PDE4DIP: variants seen among roughly 807,000 people sequenced by gnomAD.
PDE4DIP encodes phosphodiesterase 4D interacting protein.
PDE4DIP carries 59 observed loss-of-function variants against 221.4 expected under a neutral mutation model. That is an observed-to-expected ratio of 0.27 (90% confidence interval 0.22 to 0.33). The LOEUF (loss-of-function observed/expected upper bound fraction) is 0.33, where lower values mean the gene tolerates loss of function less well. Among genes scored for constraint, PDE4DIP ranks in the 10% least tolerant of loss-of-function variants. The pLI, the probability that PDE4DIP is intolerant of heterozygous loss-of-function variation, is 1.00. For synonymous variants in PDE4DIP, 404 were observed against 815.9 expected, an observed-to-expected ratio of 0.50 and a Z score of 8.60; for missense variants, 1,036 against 2,154.2, an observed-to-expected ratio of 0.48 and a Z score of 10.28.
At chr1:149,010,842 G>T (rs1353056939) in intron 31 of PDE4DIP, among the ~76,000 whole-genome samples, 2 of 149,788 alleles carry the variant, frequency 1.3e-5, no homozygotes, top group Non-Finnish European at 3.0e-5. Flanking sequence ...CATTTAAAAA[G>T]AAACATTTTT....
At chr1:148,932,832 T>C (rs1172430123) in intron 4 of PDE4DIP, 1 of 285,122 alleles carries the variant, frequency 3.5e-6, no homozygotes, top group African/African-American at 2.3e-5. Context: ...AGAAGTAGTA[T>C]GAGGTGGAGC....
intron 36 of PDE4DIP, chr1:149,020,750 G>C (rs1452825356): frequency 4.5e-6 from 2 of 443,140 alleles, no homozygotes; most frequent in African/African-American, 3.9e-5. Context: ...TGTAGGAACA[G>C]TAAGGAGACT....
chr1:148,884,250 CTG>C, intron 3 of PDE4DIP, among the ~76,000 whole-genome samples: 1 of 69,170 alleles, frequency 1.4e-5, no homozygotes, highest in Non-Finnish European at 2.8e-5. Flanking sequence ...CCCCTCATCT[CTG>C]TGGCCTATTT....
rs1196936548 is a variant in PDE4DIP at position 149,027,641 on chromosome 1, A to T, written c.6669+14A>T. 2.1e-6 allele frequency: 1 copy of T among 470,326 alleles called. No homozygotes were observed. The highest frequency in any genetic ancestry group is 2.3e-5 in the South Asian group (1 of 43,160). 29.1% of individuals were successfully genotyped at this position (470,326 alleles called of 1,614,324 possible). A position where few individuals can be genotyped will look rare whatever the true frequency, so the allele number is the denominator to read the frequency against. On this transcript the variant is annotated intron_variant, in intron 40 of 43. Coordinates refer to ENST00000369354, the Ensembl canonical transcript of PDE4DIP. ...CAAGGCACAGAGGTAATCACACCTG[A>T]AGCTTTAGGTGCACTCTTTCCCTGT...
chr1:148,946,612 C>T (rs1202348020), intron 5 of PDE4DIP, among the ~76,000 whole-genome samples: 2 of 137,402 alleles, frequency 1.5e-5, no homozygotes, highest in Non-Finnish European at 3.1e-5. Flanking sequence ...AGGTTTTCAT[C>T]ATGTCATTGT....
At chr1:148,985,749 A>T (rs1445790226) in intron 21 of PDE4DIP, 3 of 152,138 alleles carry the variant, frequency 2.0e-5, no homozygotes, top group Non-Finnish European at 2.9e-5. Flanking sequence ...AGAAGTAAAA[A>T]TCTTTATCAT....
chr1:149,006,026 G>A (rs1331208004), intron 27 of PDE4DIP, among the ~76,000 whole-genome samples: 2 of 152,344 alleles, frequency 1.3e-5, no homozygotes, highest in African/African-American at 2.4e-5. Flanking sequence ...CCAGCTATTC[G>A]GGAGGCTGAG....
rs1236887856 is a variant in PDE4DIP at position 148,944,872 on chromosome 1, G to GA, written c.636+7015dup. On this transcript the variant is annotated intron_variant, in intron 5 of 43. Transcript: ENST00000369354. ...GGCAACACAGCAAGTCTCCGTCTCG[G>GA]AAAAAAACAAAACAAAACAAAGATA... is the stretch of plus-strand genomic sequence containing the variant. 7.9e-5 allele frequency among the ~76,000 whole-genome samples: 12 copies of GA among 151,864 alleles called. No individual in the cohort carries two copies. In the East Asian group the frequency reaches 1.9e-3, roughly 25 times the overall value.
In PDE4DIP at chr1:148,951,980, G is replaced by T. The variant is rs587696212; in HGVS notation, c.637-8674G>T. 7 of 928,338 alleles carry T rather than the reference G, an allele frequency of 7.5e-6. No homozygotes were observed. In the East Asian group the frequency reaches 5.7e-4, roughly 75 times the overall value. The allele number at this position is 928,338 out of a possible 1,614,324, so 57.5% of individuals were successfully genotyped here. ...GGCCGGGAAAGGTGAGGCTGCTGGC[G>T]GGAAGCGGGGGCGGCGCGCAGCGGT... On this transcript the variant is annotated intron_variant, in intron 5 of 43. Coordinates refer to ENST00000369354, the Ensembl canonical transcript of PDE4DIP.
chr1:148,919,748 C>T (rs587655787), intron 1 of PDE4DIP, among the ~76,000 whole-genome samples: 739 of 151,028 alleles, frequency 4.9e-3, no homozygotes, highest in Non-Finnish European at 7.8e-3. Flanking sequence ...TCAGGAGTTA[C>T]ATCAGGGTTT....
exon 32 of PDE4DIP, chr1:149,012,674 A>G (rs145692305): frequency 6.2e-6 from 10 of 1,613,548 alleles, no homozygotes; most frequent in Non-Finnish European, 7.6e-6. Flanking sequence ...CCTGCCTTTC[A>G]GCCCCACTGG....
intron 1 of PDE4DIP, among the ~76,000 whole-genome samples, chr1:148,847,817 G>A (rs622619): frequency 0.2 from 1,621 of 8,302 alleles, 10 homozygotes; most frequent in South Asian, 0.28. Context: ...GCAGTGAGCC[G>A]AGATCGCACC....
intron 8 of PDE4DIP, 24 bp downstream of exon 11, chr1:148,962,312 G>A (rs782332953): frequency 1.5e-5 from 23 of 1,549,238 alleles, no homozygotes; most frequent in South Asian, 2.2e-5. Flanking sequence ...ACGTAGGACA[G>A]GAGAGACTTC....
At chr1:148,925,577 A>G (rs2046515093) in intron 1 of PDE4DIP, among the ~76,000 whole-genome samples, 1 of 150,462 alleles carries the variant, frequency 6.6e-6, no homozygotes, top group Non-Finnish European at 1.5e-5. Context: ...GAACGTACTA[A>G]TTTATGTCCT....
rs1283455639 is a variant in PDE4DIP, at chr1:148,844,225, G to A, written c.234-19025G>A. 3.0e-4 allele frequency among the ~76,000 whole-genome samples: 34 copies of A among 114,952 alleles called. No homozygotes were observed. The East Asian group carries it at 7.6e-3, about 26-fold the overall frequency. The allele number at this position is 114,952 out of a possible 152,430, so 75.4% of individuals were successfully genotyped here. A position where few individuals can be genotyped will look rare whatever the true frequency, so the allele number is the denominator to read the frequency against. On this transcript the variant is annotated intron_variant, in intron 1 of 45. Transcript: ENST00000524974. ...CCTTCGTTGGGATGGGCGAGGGACGGGGCTTGGTACCGCGTCCTCTAAGCT... is the reference window on the plus strand; with the variant it reads ...CCTTCGTTGGGATGGGCGAGGGACGAGGCTTGGTACCGCGTCCTCTAAGCT...
intron 22 of PDE4DIP, 102 bp downstream of exon 25, chr1:148,992,075 T>C (rs781813719): frequency 1.2e-6 from 1 of 821,464 alleles, no homozygotes; most frequent in Admixed American, 2.1e-5. Flanking sequence ...TGAGAAGATA[T>C]CTTTTTACAT....
chr1:148,890,754 C>CAA (rs58620673), intron 1 of PDE4DIP, among the ~76,000 whole-genome samples: 1,378 of 36,786 alleles, frequency 0.037, 2 homozygotes, highest in Non-Finnish European at 0.048. Context: ...GAGTCTGTCT[C>CAA]AAAAAAAAAA....
At chr1:148,950,426 G>A (rs1159473577) in intron 5 of PDE4DIP, among the ~76,000 whole-genome samples, 4 of 152,296 alleles carry the variant, frequency 2.6e-5, no homozygotes. Context: ...ATACATAGTA[G>A]ATGAAATTAC....
exon 19 of PDE4DIP, chr1:148,978,315 C>T (rs782140969): frequency 1.2e-6 from 2 of 1,611,994 alleles, no homozygotes; most frequent in East Asian, 2.2e-5. Flanking sequence ...GAAGACATAC[C>T]AGCTATGGAA....
Sources: allele counts gnomAD v4.1 joint callset (sites outside exome capture counted in the v4.1 genomes callset), GRCh38; gene constraint gnomAD v4.1.1; transcripts MANE v1.5; gene names NCBI Gene and HGNC (gene_info 2026-07-23, HGNC 2026-07-21).